Variants in URGCP observed in about 807,000 individuals in gnomAD.
URGCP encodes upregulator of cell proliferation, also known as up-regulator of cell proliferation.
In URGCP, 13 loss-of-function variants were observed where a neutral mutation model predicts 24.6. The ratio of observed to expected loss-of-function variants is 0.53; its 90% CI spans 0.34 to 0.84. The LOEUF (loss-of-function observed/expected upper bound fraction) is 0.84. Among genes scored for constraint, URGCP ranks in the 40% least tolerant of loss-of-function variants. URGCP has a pLI of 0.01. For synonymous variants in URGCP, 444 were observed against 487.2 expected (o/e 0.91, Z 1.17); for missense variants, 899 against 1,194.3 (o/e 0.75, Z 3.64).
chr7:43,924,692 T>C (rs1585844674), intron 1 of URGCP, among the ~76,000 whole-genome samples: 1 of 152,146 alleles, frequency 6.6e-6, no homozygotes, highest in South Asian at 2.1e-4. Context: ...AGTCAAGGAA[T>C]GTAGATGCTG....
At chr7:43,926,353 C>G in exon 1 of URGCP, 1 of 316,018 alleles carries the variant, frequency 3.2e-6, no homozygotes, top group Non-Finnish European at 5.2e-6. Flanking sequence ...CGGGCAGCCC[C>G]GCTGCTTCCC....
Position 43,878,922 on chromosome 7 carries a change from C to G in URGCP, c.541G>C (p.Val181Leu). The G allele has an allele frequency of 6.2e-7, 1 of 1,614,230 alleles. No individual in the cohort carries two copies. The highest frequency in any genetic ancestry group is 8.5e-7 in the Non-Finnish European group (1 of 1,180,038). Residue 181 changes from valine (V) to leucine (L), a missense_variant, in exon 6 of 6, where the codon GTG becomes CTG. Val to Leu is a conservative substitution (Grantham distance 32). Transcript: ENST00000453200. The surrounding 1 kb of genome is among the most constrained non-coding windows in gnomAD (Gnocchi z 5.6). ...FSELPTPDTP[V>L]NPLDLLCALL... is the part of the protein sequence containing the mutation. Reference sequence around the variant, plus strand: ...GCACAGAGAAGGTCTAAGGGGTTCACTGGCGTATCAGGGGTGGGCAGCTCA... The same window carrying G: ...GCACAGAGAAGGTCTAAGGGGTTCAGTGGCGTATCAGGGGTGGGCAGCTCA...
chr7:43,897,923 C>T (rs1262169272), intron 1 of URGCP, among the ~76,000 whole-genome samples: 1 of 152,178 alleles, frequency 6.6e-6, no homozygotes, highest in African/African-American at 2.4e-5. Flanking sequence ...CAATCAGTTG[C>T]TCCTGTCTCA....
intron 1 of URGCP, among the ~76,000 whole-genome samples, chr7:43,924,508 A>T (rs2095926196): frequency 6.6e-6 from 1 of 152,210 alleles, no homozygotes; most frequent in African/African-American, 2.4e-5. Flanking sequence ...ACATTTATAA[A>T]ATCTAGAATC....
intron 1 of URGCP, among the ~76,000 whole-genome samples, chr7:43,923,088 A>T (rs932581038): frequency 4.0e-5 from 6 of 151,506 alleles, no homozygotes; most frequent in Admixed American, 3.3e-4. Flanking sequence ...GGTTCAAGCG[A>T]TTCTCCTGCT....
At chr7:43,911,294 G>A (rs763501405), upstream of URGCP, among the ~76,000 whole-genome samples, 7 of 151,860 alleles carry the variant, frequency 4.6e-5, no homozygotes, top group African/African-American at 7.3e-5. Flanking sequence ...CCAGCTACTC[G>A]GGAAGCTGAG....
intron 1 of URGCP, among the ~76,000 whole-genome samples, chr7:43,900,818 ATTG>A (rs2095889232): frequency 6.6e-6 from 1 of 152,176 alleles, no homozygotes; most frequent in African/African-American, 2.4e-5. Context: ...TTAAGCCATA[ATTG>A]AAGGTATCGT....
chr7:43,885,825 A>G (rs908349124), intron 3 of URGCP, among the ~76,000 whole-genome samples: 8 of 152,234 alleles, frequency 5.3e-5, no homozygotes, highest in African/African-American at 1.7e-4. Flanking sequence ...CTCACCATGC[A>G]GGCTGCTGAG....
chr7:43,885,931 G>A (rs1017758609), intron 3 of URGCP, among the ~76,000 whole-genome samples: 10 of 152,200 alleles, frequency 6.6e-5, no homozygotes, highest in Non-Finnish European at 1.3e-4. Flanking sequence ...CATAATTCTA[G>A]ATGTGGAGAA....
At chr7:43,912,665 A>T (rs1379284751) in intron 1 of URGCP, among the ~76,000 whole-genome samples, 1 of 152,178 alleles carries the variant, frequency 6.6e-6, no homozygotes, top group Non-Finnish European at 1.5e-5. Flanking sequence ...GGTAATAGTG[A>T]CATCTTAACA....
chr7:43,907,476 G>A (rs1356328782), upstream of URGCP, among the ~76,000 whole-genome samples: 2 of 101,750 alleles, frequency 2.0e-5, no homozygotes, highest in African/African-American at 3.9e-5. Flanking sequence ...TGCCCGCCCC[G>A]CCCGTTTCAT....
intron 5 of URGCP, chr7:43,879,897 TTTC>T (rs1362190704): frequency 6.6e-6 from 1 of 152,136 alleles, no homozygotes. Context: ...TAATGCAGGT[TTTC>T]TTTTTTTTCT....
upstream of URGCP, among the ~76,000 whole-genome samples, chr7:43,908,910 C>T (rs1054572732): frequency 4.6e-5 from 7 of 152,180 alleles, no homozygotes; most frequent in Non-Finnish European, 7.3e-5. Context: ...CAAGGAGAAA[C>T]TTTCCCGTGG....
chr7:43,914,986 C>A (rs1383022684), intron 1 of URGCP, among the ~76,000 whole-genome samples: 1 of 152,150 alleles, frequency 6.6e-6, no homozygotes, highest in Non-Finnish European at 1.5e-5. Context: ...GGCCCGCATG[C>A]GCACTGAAGA....
chr7:43,909,338 C>T (rs1048557880), upstream of URGCP, among the ~76,000 whole-genome samples: 2 of 152,130 alleles, frequency 1.3e-5, no homozygotes, highest in African/African-American at 4.8e-5. Flanking sequence ...ATACAGATTG[C>T]CTTCCCAGCA....
At chr7:43,924,979 G>A (rs1278602301) in intron 1 of URGCP, among the ~76,000 whole-genome samples, 1 of 152,052 alleles carries the variant, frequency 6.6e-6, no homozygotes, top group African/African-American at 2.4e-5. Flanking sequence ...GGATGGTCTA[G>A]AACTCCTGGA....
At chr7:43,896,282 CCT>C (rs1336639683) in intron 1 of URGCP, among the ~76,000 whole-genome samples, 1 of 151,886 alleles carries the variant, frequency 6.6e-6, no homozygotes, top group Non-Finnish European at 1.5e-5. Context: ...GTGGTGAAAC[CCT>C]GTCTCTGCTA....
intron 1 of URGCP, chr7:43,919,618 C>A: frequency 2.1e-6 from 3 of 1,398,252 alleles, no homozygotes; most frequent in Non-Finnish European, 3.0e-6. Flanking sequence ...ATGGTATCCA[C>A]AGGCCGAGAC....
intron 1 of URGCP, among the ~76,000 whole-genome samples, chr7:43,898,725 G>C (rs538490224): frequency 2.0e-5 from 3 of 150,894 alleles, no homozygotes; most frequent in South Asian, 2.1e-4. Context: ...CTGGGTGACA[G>C]AGCAAGAAGA....
Sources: gnomAD v4.1 joint callset for allele counts (sites outside exome capture counted in the v4.1 genomes callset) on GRCh38, gnomAD v4.1.1 for gene constraint, Gnocchi (gnomAD v3.1) non-coding constraint, MANE v1.5 for transcripts, NCBI Gene and HGNC (gene_info 2026-07-23, HGNC 2026-07-21) for gene names.